The following WAC variants were observed in gnomAD, a reference collection of about 807,000 sequenced individuals.
WAC encodes WW domain containing adaptor with coiled-coil, also known as WW domain-containing adapter protein with coiled-coil.
WAC carries 11 observed loss-of-function variants against 79.6 expected under a neutral mutation model. The ratio of observed to expected loss-of-function variants is 0.14; its 90% CI spans 0.09 to 0.23. WAC has a LOEUF of 0.23. WAC is among the 10% of genes least tolerant of loss of function. WAC has a pLI of 1.00. For synonymous variants in WAC, 304 were observed against 276.9 expected (o/e 1.10, Z -0.97); for missense variants, 728 against 773.5 (o/e 0.94, Z 0.70).
rs764728658 is a variant in WAC, at chr10:28,533,670, G to C, written c.41+50G>C. On this transcript the variant is annotated intron_variant, in intron 1 of 13. Transcript: ENST00000354911. ...CGGGCGGCGGCGGGGGGCGGCGGCG[G>C]GGGGGCTGTTCCTCCTTATCTGGAG... 29 of 1,519,766 alleles carry C rather than the reference G, an allele frequency of 1.9e-5. No individual in the cohort carries two copies. The Admixed American group carries it at 2.4e-4, about 12-fold the overall frequency. 94.1% of individuals were successfully genotyped at this position (1,519,766 alleles called of 1,614,324 possible).
In WAC at chr10:28,595,076, C is replaced by T. The variant is rs762804104; in HGVS notation, c.611-657C>T. On this transcript the variant is annotated intron_variant, in intron 6 of 13. Coordinates refer to ENST00000354911, the MANE Select transcript of WAC (RefSeq NM_016628.5). ...GCTGCGGGTGTTGGACTTCTATTTT[C>T]AGATAGCATTATGCATCATGATTTT... Among the ~76,000 whole-genome samples, 38 of 152,302 alleles carry T rather than the reference C, an allele frequency of 2.5e-4. No individual in the cohort carries two copies. In the Middle Eastern group the frequency reaches 0.01, roughly 41 times the overall value.
rs763835463 is a variant in WAC at position 28,596,003 on chromosome 10, C to T, written c.881C>T (p.Pro294Leu). 6.2e-7 allele frequency: 1 copy of T among 1,614,064 alleles called. No homozygotes were observed. The highest frequency in any genetic ancestry group is 8.5e-7 in the Non-Finnish European group (1 of 1,179,988). The change falls in exon 7 of 14, where the codon CCC becomes CTC. Residue 294 changes from proline to leucine, a missense_variant. Coordinates refer to ENST00000354911, the MANE Select transcript of WAC (RefSeq NM_016628.5). ...GASTLSKLPT[P>L]TSSVPAQKTE... Reference sequence around the variant, plus strand: ...TCTACTTTATCAAAACTGCCTACACCCACATCTTCTGTCCCTGCACAGAAA... The same window carrying T: ...TCTACTTTATCAAAACTGCCTACACTCACATCTTCTGTCCCTGCACAGAAA...
At chr10:28,605,607 TAA>T (rs1183943889) in intron 7 of WAC, among the ~76,000 whole-genome samples, 1 of 152,194 alleles carries the variant, frequency 6.6e-6, no homozygotes, top group Non-Finnish European at 1.5e-5. Context: ...TTGGGGTAAA[TAA>T]ACAGAAATTA....
At chr10:28,590,628 C>A (rs1240879049) in intron 5 of WAC, 92 bp from the exon 6 acceptor site, 3 of 1,013,540 alleles carry the variant, frequency 3.0e-6, no homozygotes, top group Non-Finnish European at 4.3e-6. Context: ...TTTCTGTATA[C>A]CATTTGTTAG....
chr10:28,578,270 C>T (rs1839353920), intron 3 of WAC, among the ~76,000 whole-genome samples: 1 of 152,200 alleles, frequency 6.6e-6, no homozygotes, highest in Non-Finnish European at 1.5e-5. Context: ...CACTACTGAG[C>T]TTTATTCAGT....
intron 10 of WAC, 97 bp from the exon 11 acceptor site, chr10:28,614,470 T>TATCTTCTTTAAAAC: frequency 8.7e-6 from 1 of 114,762 alleles, no homozygotes; most frequent in Non-Finnish European, 1.3e-5. Context: ...AGAACTTGAC[T>TATCTTCTTTAAAAC]GCCACATTTT....
At chr10:28,616,098 TA>T (rs1841455598) in intron 11 of WAC, 74 bp from the exon 12 acceptor site, 7 of 1,228,630 alleles carry the variant, frequency 5.7e-6, no homozygotes, top group African/African-American at 1.5e-5. Flanking sequence ...TAAAAGGTAT[TA>T]ACATGCAGTT....
chr10:28,543,636 A>G (rs916813985), intron 3 of WAC, among the ~76,000 whole-genome samples: 1 of 152,262 alleles, frequency 6.6e-6, no homozygotes, highest in African/African-American at 2.4e-5. Context: ...TGCCATATTT[A>G]TGCAAAGCAA....
chr10:28,573,915 C>T (rs1330615906), intron 3 of WAC, among the ~76,000 whole-genome samples: 2 of 151,664 alleles, frequency 1.3e-5, no homozygotes, highest in Non-Finnish European at 2.9e-5. Flanking sequence ...TCTGTCTCGA[C>T]AGGTTTGTCT....
intron 3 of WAC, among the ~76,000 whole-genome samples, chr10:28,581,246 T>C (rs1166358223): frequency 5.0e-4 from 5 of 9,924 alleles, no homozygotes; most frequent in Non-Finnish European, 7.1e-4. Context: ...TTCTTTTTTT[T>C]TTTTTTTTTT....
At chr10:28,573,463 G>A (rs922712649) in intron 3 of WAC, among the ~76,000 whole-genome samples, 2 of 152,096 alleles carry the variant, frequency 1.3e-5, no homozygotes, top group African/African-American at 2.4e-5. Flanking sequence ...TTACATATCA[G>A]TACTTAGGCT....
At chr10:28,614,326 C>A (rs866102707) in intron 10 of WAC, among the ~76,000 whole-genome samples, 2 of 152,222 alleles carry the variant, frequency 1.3e-5, no homozygotes, top group Middle Eastern at 3.4e-3. Context: ...ATCTCCTGAC[C>A]TCGTGATCCG....
intron 11 of WAC, chr10:28,614,890 T>C: frequency 5.2e-6 from 2 of 386,532 alleles, no homozygotes; most frequent in Non-Finnish European, 9.2e-6. Context: ...CCGGGTTATT[T>C]TGAAGAAAGT....
At chr10:28,539,442 ATAAT>A (rs1476890462) in intron 3 of WAC, among the ~76,000 whole-genome samples, 4 of 152,270 alleles carry the variant, frequency 2.6e-5, no homozygotes, top group Non-Finnish European at 5.9e-5. Flanking sequence ...ATGTGAGAGT[ATAAT>A]TAAAATATTT....
intron 3 of WAC, among the ~76,000 whole-genome samples, chr10:28,564,616 G>C (rs944705772): frequency 1.1e-4 from 17 of 152,112 alleles, no homozygotes; most frequent in African/African-American, 3.9e-4. Flanking sequence ...GGTTATACTT[G>C]GGTTTAAACC....
At chr10:28,599,588 G>A (rs1840541789) in intron 7 of WAC, among the ~76,000 whole-genome samples, 1 of 152,150 alleles carries the variant, frequency 6.6e-6, no homozygotes, top group African/African-American at 2.4e-5. Context: ...TTTTAAAAAA[G>A]TATTTGGAGA....
intron 6 of WAC, 160 bp downstream of exon 6, chr10:28,590,992 C>A (rs2132676845): frequency 1.5e-6 from 1 of 650,118 alleles, no homozygotes; most frequent in Non-Finnish European, 2.7e-6. Flanking sequence ...CATTTTGGTC[C>A]CTGAAAAGGG....
Position 28,559,245 on chromosome 10 carries a change from G to C in WAC, c.274+23488G>C, listed in dbSNP as rs377383994. 2.0e-5 allele frequency among the ~76,000 whole-genome samples: 3 copies of C among 151,904 alleles called. No individual in the cohort carries two copies. The East Asian group carries it at 5.8e-4, about 30-fold the overall frequency. ...TGTAGAAAAATAAAGCTAGGTAAAG[G>C]AGGAAGTAGTAAGATATGCTTGGGA... On this transcript the variant is annotated intron_variant, in intron 3 of 13. Coordinates refer to ENST00000354911, the MANE Select transcript of WAC (RefSeq NM_016628.5).
intron 7 of WAC, among the ~76,000 whole-genome samples, chr10:28,605,809 C>T (rs926645372): frequency 6.6e-6 from 1 of 152,044 alleles, no homozygotes; most frequent in Non-Finnish European, 1.5e-5. Context: ...CAACTTGTTT[C>T]TGTTAAAAGC....
Sources: gnomAD v4.1 joint callset for allele counts (sites outside exome capture counted in the v4.1 genomes callset) on GRCh38, gnomAD v4.1.1 for gene constraint, MANE v1.5 for transcripts, NCBI Gene and HGNC (gene_info 2026-07-23, HGNC 2026-07-21) for gene names.